The following DGKG variants were observed in gnomAD, a reference collection of about 807,000 sequenced individuals.
DGKG encodes the protein DAG kinase gamma.
A neutral mutation model predicts 105.3 loss-of-function variants in DGKG; 78 were observed. The observed-to-expected ratio is 0.74, with a 90% CI of 0.62 to 0.89. The LOEUF (loss-of-function observed/expected upper bound fraction) is 0.89. Among genes scored for constraint, DGKG ranks in the 40% least tolerant of loss-of-function variants. The pLI is 0.00. For synonymous variants in DGKG, 346 were observed against 367.1 expected (o/e 0.94, Z 0.66); for missense variants, 958 against 1,020.1 (o/e 0.94, Z 0.83).
intron 1 of DGKG, among the ~76,000 whole-genome samples, chr3:186,334,106 C>T (rs1317629478): frequency 6.6e-6 from 1 of 152,026 alleles, no homozygotes; most frequent in Non-Finnish European, 1.5e-5. Context: ...CTTTTTGTTT[C>T]CCATAACAAC....
At chr3:186,336,304 A>C (rs186346847) in intron 1 of DGKG, among the ~76,000 whole-genome samples, 9 of 152,294 alleles carry the variant, frequency 5.9e-5, no homozygotes, top group Admixed American at 5.2e-4. Flanking sequence ...TCCATCTCAG[A>C]ATCTGTATCC....
chr3:186,298,200 GA>G lies in DGKG; in HGVS notation c.173del (p.Phe58SerfsTer2). 6.2e-7 allele frequency: 1 copy of G among 1,611,384 alleles called. No homozygotes were observed. Among genetic ancestry groups the G allele is most frequent in the Non-Finnish European group, 8.5e-7 (1 of 1,178,824 alleles). On this transcript the variant is annotated frameshift_variant, in exon 4 of 25. Coordinates refer to ENST00000265022, the MANE Select transcript of DGKG (RefSeq NM_001346.3). LOFTEE classifies it high-confidence loss of function. ...GGTCCACCTCCAGGTACGCCCTCATGAACAGCTTGAAGACATCATAGCTAAT... is the reference window on the plus strand; with the variant it reads ...GGTCCACCTCCAGGTACGCCCTCATGACAGCTTGAAGACATCATAGCTAAT... ...EPISYDVFKL[F>X]MRAYLEVDLP...
At chr3:186,276,619 G>A (rs968078898) in intron 9 of DGKG, among the ~76,000 whole-genome samples, 1 of 152,222 alleles carries the variant, frequency 6.6e-6, no homozygotes, top group African/African-American at 2.4e-5. Flanking sequence ...TTGTTCAGAA[G>A]TGAAATCATC....
intron 5 of DGKG, 48 bp from the exon 6 acceptor site, chr3:186,288,928 A>G: frequency 6.7e-7 from 1 of 1,489,042 alleles, no homozygotes; most frequent in Non-Finnish European, 9.0e-7. Flanking sequence ...CTGTTTAGTA[A>G]ATATTAACCC....
chr3:186,272,283 G>T lies in DGKG; in HGVS notation c.971C>A (p.Thr324Lys), dbSNP rs372349494. 42 of 1,613,720 alleles carry T rather than the reference G, an allele frequency of 2.6e-5. No homozygotes were observed. The highest frequency in any genetic ancestry group is 6.7e-5 in the Admixed American group (4 of 59,994). Residue 324 changes from threonine to lysine, a missense_variant, in exon 11 of 25, where the codon ACG becomes AAG. This residue lies in a region of DGKG where 643 missense variants were observed against 619.5 expected (regional missense o/e 1.04). Transcript: ENST00000265022. The part of the protein sequence containing the change: ...VSRNIPGCVK[T>K]YSKAKRSGEV... ...ACCACTCCTTTTGGCTTTTGAGTAC[G>T]TTTTGACACAACCAGGAATGTTTCT...
chr3:186,337,659 A>T (rs1380611483), intron 1 of DGKG, among the ~76,000 whole-genome samples: 1 of 152,168 alleles, frequency 6.6e-6, no homozygotes, highest in Non-Finnish European at 1.5e-5. Context: ...GAGGTATATA[A>T]ATTGGAATAG....
intron 20 of DGKG, among the ~76,000 whole-genome samples, chr3:186,233,624 C>A (rs1006409704): frequency 9.9e-5 from 15 of 152,270 alleles, no homozygotes; most frequent in African/African-American, 2.9e-4. Context: ...GGACTACAGG[C>A]GCCCACCACC....
intron 12 of DGKG, among the ~76,000 whole-genome samples, chr3:186,268,365 C>T (rs1049639592): frequency 6.6e-6 from 1 of 152,188 alleles, no homozygotes; most frequent in African/African-American, 2.4e-5. Flanking sequence ...GGCAGCAGGT[C>T]CAAACCTTTG....
intron 3 of DGKG, among the ~76,000 whole-genome samples, chr3:186,299,741 CCT>C (rs758779947): frequency 6.5e-4 from 98 of 151,200 alleles, no homozygotes; most frequent in Non-Finnish European, 1.0e-3. Flanking sequence ...TTTTCTTCCT[CCT>C]CTCTTTTCTT....
At chr3:186,199,806 G>A (rs1718361578) in intron 21 of DGKG, among the ~76,000 whole-genome samples, 2 of 152,156 alleles carry the variant, frequency 1.3e-5, no homozygotes, top group South Asian at 2.1e-4. Flanking sequence ...GAGCCACTGC[G>A]CCCGGCCTTG....
chr3:186,257,431 A>C (rs540148864), intron 17 of DGKG, among the ~76,000 whole-genome samples: 10 of 152,120 alleles, frequency 6.6e-5, no homozygotes, highest in Admixed American at 6.5e-4. Context: ...TTCTAGATGC[A>C]CTTTCTGGAC....
Position 186,188,254 on chromosome 3 carries a change from C to T in DGKG, c.2043G>A (p.Arg681=). The T allele has an allele frequency of 6.2e-7, 1 of 1,614,150 alleles. No homozygotes were observed. Among genetic ancestry groups the T allele is most frequent in the Non-Finnish European group, 8.5e-7 (1 of 1,180,042 alleles). The change falls in exon 22 of 25, where the codon CGG becomes CGA. Residue 681 remains arginine, a synonymous_variant. Transcript: ENST00000265022. ...GENKKNRAVI[R]ESRKGVTDPK... is the part of the protein sequence containing the mutation. ...GGTCAGTGACACCCTTCCTGCTTTCCCGGATCACAGCCCGGTTCTTCTTGT... is the reference window on the plus strand; with the variant it reads ...GGTCAGTGACACCCTTCCTGCTTTCTCGGATCACAGCCCGGTTCTTCTTGT...
intron 5 of DGKG, among the ~76,000 whole-genome samples, chr3:186,289,941 C>A (rs766318643): frequency 1.3e-5 from 2 of 152,144 alleles, no homozygotes; most frequent in Non-Finnish European, 2.9e-5. Context: ...TAGATGAAAG[C>A]CTTCCAGGTT....
chr3:186,294,957 T>G (rs938023181), intron 5 of DGKG, among the ~76,000 whole-genome samples: 7 of 152,192 alleles, frequency 4.6e-5, no homozygotes, highest in African/African-American at 1.7e-4. Flanking sequence ...GCATGGAGTT[T>G]GCTGAGCTTA....
intron 19 of DGKG, among the ~76,000 whole-genome samples, chr3:186,249,577 C>T (rs1302470142): frequency 5.3e-5 from 8 of 152,208 alleles, no homozygotes; most frequent in African/African-American, 1.9e-4. Context: ...CATGGTGGCT[C>T]ACGCCGGTAA....
At chr3:186,277,761 T>C (rs1288952773) in intron 9 of DGKG, among the ~76,000 whole-genome samples, 1 of 152,120 alleles carries the variant, frequency 6.6e-6, no homozygotes, top group African/African-American at 2.4e-5. Context: ...AACGTGGGCG[T>C]AGCCTTCCTC....
intron 3 of DGKG, among the ~76,000 whole-genome samples, chr3:186,302,932 G>C (rs1293849116): frequency 6.6e-6 from 1 of 152,114 alleles, no homozygotes. Flanking sequence ...ATGCAAACCA[G>C]AAGAGTCTCA....
chr3:186,257,162 C>T (rs551059500), intron 17 of DGKG, among the ~76,000 whole-genome samples: 7 of 152,318 alleles, frequency 4.6e-5, no homozygotes, highest in South Asian at 2.1e-4. Flanking sequence ...AGTGCTCCCC[C>T]GGCCGCTTTC....
chr3:186,360,607 T>C (rs1408796539), intron 1 of DGKG, among the ~76,000 whole-genome samples: 1 of 152,204 alleles, frequency 6.6e-6, no homozygotes, highest in African/African-American at 2.4e-5. Flanking sequence ...TGTGTGTCTG[T>C]GCCTGGGTTC....
Sources: gnomAD v4.1 joint callset for allele counts (sites outside exome capture counted in the v4.1 genomes callset) on GRCh38, gnomAD v4.1.1 for gene constraint, gnomAD v4.1.1 regional missense constraint, MANE v1.5 for transcripts, NCBI Gene and HGNC (gene_info 2026-07-23, HGNC 2026-07-21) for gene names.